The following EMILIN2 variants were observed in gnomAD, a reference collection of about 807,000 sequenced individuals.
EMILIN2 encodes the protein elastin microfibril interfacer 2.
EMILIN2 carries 71 observed loss-of-function variants against 87.1 expected under a neutral mutation model. That is an observed-to-expected ratio of 0.82 (90% CI 0.67 to 0.99). EMILIN2 has a LOEUF of 0.99. Ranked by LOEUF, EMILIN2 falls within the 50% of genes least tolerant of loss-of-function variation. EMILIN2 has a pLI of 0.00. For synonymous variants in EMILIN2, 581 were observed against 563.4 expected (o/e 1.03, Z -0.44); for missense variants, 1,407 against 1,371.8 (o/e 1.03, Z -0.40).
At chr18:2,873,510 A>G (rs1206948370) in intron 2 of EMILIN2, among the ~76,000 whole-genome samples, 1 of 151,972 alleles carries the variant, frequency 6.6e-6, no homozygotes, top group Admixed American at 6.5e-5. Context: ...GATCGAGACC[A>G]TCCTGGCTAA....
At chr18:2,851,131 A>G (rs1416645010) in intron 2 of EMILIN2, among the ~76,000 whole-genome samples, 1 of 151,628 alleles carries the variant, frequency 6.6e-6, no homozygotes, top group Admixed American at 6.6e-5. Context: ...CCAAGCAGGT[A>G]AAGAATTACT....
Position 2,847,110 on chromosome 18 carries a change from C to T in EMILIN2, c.-79C>T. Reference sequence around the variant, plus strand: ...TTGCCTTCGCGGGCGGCGCCCTGGCCGCCGGCAGCCTTGTGGCCGGTGCCC... The same window carrying T: ...TTGCCTTCGCGGGCGGCGCCCTGGCTGCCGGCAGCCTTGTGGCCGGTGCCC... On this transcript the variant is annotated 5_prime_UTR_variant, in exon 1 of 8. Coordinates refer to ENST00000254528, the MANE Select transcript of EMILIN2 (RefSeq NM_032048.3). The surrounding 1 kb of genome is among the most constrained non-coding windows in gnomAD (Gnocchi z 4.5). 6 of 1,072,088 alleles carry T rather than the reference C, an allele frequency of 5.6e-6. No individual in the cohort carries two copies. The highest frequency in any genetic ancestry group is 6.8e-6 in the Non-Finnish European group (6 of 881,056). The allele number at this position is 1,072,088 out of a possible 1,614,324, so 66.4% of individuals were successfully genotyped here.
chr18:2,874,134 G>A (rs1243917609), intron 2 of EMILIN2, among the ~76,000 whole-genome samples: 3 of 150,450 alleles, frequency 2.0e-5, no homozygotes, highest in Non-Finnish European at 3.0e-5. Context: ...CCCCCGCATG[G>A]CCACCTCCTC....
At chr18:2,861,336 G>T (rs1034153655) in intron 2 of EMILIN2, among the ~76,000 whole-genome samples, 10 of 152,124 alleles carry the variant, frequency 6.6e-5, no homozygotes, top group African/African-American at 2.4e-4. Flanking sequence ...GGATTGCCTA[G>T]GTTTTCTTCT....
chr18:2,891,416 T>A lies in EMILIN2; in HGVS notation c.1289T>A (p.Leu430Gln). 1 of 1,614,218 alleles carries A rather than the reference T, an allele frequency of 6.2e-7. No individual in the cohort carries two copies. The highest frequency in any genetic ancestry group is 1.1e-5 in the South Asian group (1 of 91,086). Reference protein sequence around the residue: ...AEATRMLNGRLDNEFDRLIVP... With the variant: ...AEATRMLNGRQDNEFDRLIVP... ...GCCACCAGAATGCTGAATGGAAGAC[T>A]GGACAATGAGTTTGACCGCCTTATA... The change falls in exon 4 of 8, where the codon CTG (leucine) becomes CAG (glutamine). Residue 430 changes from leucine to glutamine, a missense_variant. Leu to Gln is a moderately radical substitution (Grantham distance 113, BLOSUM62 -2). Coordinates refer to ENST00000254528, the MANE Select transcript of EMILIN2 (RefSeq NM_032048.3). The surrounding 1 kb of genome is among the most constrained non-coding windows in gnomAD (Gnocchi z 4.6).
intron 5 of EMILIN2, among the ~76,000 whole-genome samples, chr18:2,907,515 C>A (rs1182484523): frequency 2.6e-5 from 4 of 152,222 alleles, no homozygotes; most frequent in African/African-American, 9.6e-5. Flanking sequence ...AGCTGCAGTT[C>A]CTTCAACCAC....
At chr18:2,869,133 A>C (rs956168435) in intron 2 of EMILIN2, among the ~76,000 whole-genome samples, 1 of 152,202 alleles carries the variant, frequency 6.6e-6, no homozygotes, top group Non-Finnish European at 1.5e-5. Context: ...CTACATTCTG[A>C]AACTTTGACA....
chr18:2,878,858 G>A (rs1268730733), intron 2 of EMILIN2, among the ~76,000 whole-genome samples: 1 of 152,206 alleles, frequency 6.6e-6, no homozygotes, highest in African/African-American at 2.4e-5. Flanking sequence ...GGCAACCAAT[G>A]ACTGGAAGGA....
intron 4 of EMILIN2, among the ~76,000 whole-genome samples, chr18:2,905,816 G>C (rs1265753084): frequency 6.9e-6 from 1 of 145,608 alleles, no homozygotes; most frequent in African/African-American, 2.6e-5. Flanking sequence ...AAGAGATGAG[G>C]TTTCGCCATC....
chr18:2,906,967 G>A lies in EMILIN2; in HGVS notation c.2544G>A (p.Thr848=), dbSNP rs563986921. 13 of 1,392,418 alleles carry A rather than the reference G, an allele frequency of 9.3e-6. No homozygotes were observed. Among genetic ancestry groups the A allele is most frequent in the African/African-American group, 1.5e-5 (1 of 66,804 alleles). 86.3% of individuals were successfully genotyped at this position (1,392,418 alleles called of 1,614,324 possible). The part of the protein sequence containing the change: ...PPGSTGVIAE[T]GQAGPPAGAG... Reference sequence around the variant, plus strand: ...GCTCCACCGGGGTCATCGCGGAGACGGGCCAGGCCGGGCCCCCCGCAGGCG... The same window carrying A: ...GCTCCACCGGGGTCATCGCGGAGACAGGCCAGGCCGGGCCCCCCGCAGGCG... Residue 848 remains threonine (T), a synonymous_variant, in exon 5 of 8, where the codon ACG becomes ACA. Coordinates refer to ENST00000254528, the MANE Select transcript of EMILIN2 (RefSeq NM_032048.3).
intron 3 of EMILIN2, among the ~76,000 whole-genome samples, chr18:2,885,798 G>A (rs992652410): frequency 1.2e-4 from 18 of 152,164 alleles, no homozygotes; most frequent in Admixed American, 3.3e-4. Context: ...GATTACAGGC[G>A]TGAGCCACTG....
intron 4 of EMILIN2, among the ~76,000 whole-genome samples, chr18:2,902,392 GC>G (rs1190074000): frequency 3.3e-5 from 5 of 152,214 alleles, no homozygotes; most frequent in Non-Finnish European, 7.3e-5. Context: ...CACAGAAAGA[GC>G]CCCCAGAGGT....
intron 4 of EMILIN2, among the ~76,000 whole-genome samples, chr18:2,899,020 C>G (rs1317705155): frequency 6.6e-6 from 1 of 152,102 alleles, no homozygotes; most frequent in Non-Finnish European, 1.5e-5. Flanking sequence ...GAACTTAGAG[C>G]TGCAGTGTTC....
rs1385435042 is a variant in EMILIN2 at position 2,890,515 on chromosome 18, A to G, written c.434-46A>G. The G allele has an allele frequency of 4.0e-6, 6 of 1,515,124 alleles. No individual in the cohort carries two copies. The highest frequency in any genetic ancestry group is 5.3e-6 in the Non-Finnish European group (6 of 1,131,854). 93.9% of individuals were successfully genotyped at this position (1,515,124 alleles called of 1,614,324 possible). On this transcript the variant is annotated intron_variant, in intron 3 of 7. Coordinates refer to ENST00000254528, the MANE Select transcript of EMILIN2 (RefSeq NM_032048.3). The surrounding 1 kb of genome is among the most constrained non-coding windows in gnomAD (Gnocchi z 4.7). ...TTTATTGTCTTGGCAGAATCTGGCT[A>G]AAGGTAGAAAATGTTCATTCATGTC...
intron 3 of EMILIN2, among the ~76,000 whole-genome samples, chr18:2,886,215 G>A (rs952733108): frequency 3.9e-5 from 6 of 152,182 alleles, no homozygotes; most frequent in Admixed American, 2.0e-4. Flanking sequence ...AAAAAAGGCA[G>A]ACAGAGTCCC....
rs1376686169 is a variant in EMILIN2 at position 2,913,275 on chromosome 18, C to T, written c.3033C>T (p.Ile1011=). ...GGGGCCCGGGGGCATTCCACCTCATCGTGCACCTGAAGGCGGGAGATGCAG... is the reference window on the plus strand; with the variant it reads ...GGGGCCCGGGGGCATTCCACCTCATTGTGCACCTGAAGGCGGGAGATGCAG... ...TCGGPGAFHL[I]VHLKAGDAVN... is the part of the protein sequence containing the mutation. The change falls in exon 8 of 8, where the codon ATC becomes ATT. Residue 1011 remains isoleucine, a synonymous_variant. Coordinates refer to ENST00000254528, the MANE Select transcript of EMILIN2 (RefSeq NM_032048.3). The T allele has an allele frequency of 7.4e-6, 12 of 1,613,456 alleles. No individual in the cohort carries two copies. Among genetic ancestry groups the T allele is most frequent in the South Asian group, 2.2e-5 (2 of 91,064 alleles).
chr18:2,858,928 A>G (rs2076646631), intron 2 of EMILIN2, among the ~76,000 whole-genome samples: 1 of 151,934 alleles, frequency 6.6e-6, no homozygotes, highest in Admixed American at 6.6e-5. Context: ...GAGCCACCAC[A>G]CCCGGCCCTA....
rs1598507149 is a variant in EMILIN2, at chr18:2,909,090, C to G, written c.2695+115C>G. ...CTATTAGCACAAATCAAGCCTGGGC[C>G]CAGCCCTTCCCCACCCACCAGCACT... On this transcript the variant is annotated intron_variant, in intron 6 of 7. Coordinates refer to ENST00000254528, the MANE Select transcript of EMILIN2 (RefSeq NM_032048.3). The G allele has an allele frequency of 6.2e-6, 8 of 1,296,706 alleles. No individual in the cohort carries two copies. The East Asian group carries it at 1.8e-4, about 30-fold the overall frequency. The allele number at this position is 1,296,706 out of a possible 1,614,324, so 80.3% of individuals were successfully genotyped here.
Position 2,891,871 on chromosome 18 carries a change from C to T in EMILIN2, c.1744C>T (p.Leu582Phe), listed in dbSNP as rs745409222. 6.2e-7 allele frequency: 1 copy of T among 1,614,240 alleles called. No homozygotes were observed. The highest frequency in any genetic ancestry group is 8.5e-7 in the Non-Finnish European group (1 of 1,180,048). The change falls in exon 4 of 8, where the codon CTT becomes TTT. Residue 582 changes from leucine (L) to phenylalanine (F), a missense_variant. Leu to Phe is a conservative substitution (Grantham distance 22). Coordinates refer to ENST00000254528, the MANE Select transcript of EMILIN2 (RefSeq NM_032048.3). The surrounding 1 kb of genome is among the most constrained non-coding windows in gnomAD (Gnocchi z 4.6). ...EDRAVRDSLH[L>F]LKSLNDTMHR... ...CCGCGCAGTACGCGACAGCCTGCAC[C>T]TTTTGAAATCTCTCAACGACACGAT...
Sources: allele counts gnomAD v4.1 joint callset (sites outside exome capture counted in the v4.1 genomes callset), GRCh38; gene constraint gnomAD v4.1.1; non-coding constraint Gnocchi (gnomAD v3.1); transcripts MANE v1.5; gene names NCBI Gene and HGNC (gene_info 2026-07-23, HGNC 2026-07-21).